Variants in NREP observed in about 807,000 individuals in gnomAD.
The protein encoded by NREP is neuronal regeneration-related protein.
A neutral mutation model predicts 8.6 loss-of-function variants in NREP; 5 were observed. The ratio of observed to expected loss-of-function variants is 0.58; its 90% CI spans 0.30 to 1.22. The LOEUF is 1.22. NREP is among the 50% of genes most tolerant of loss of function. NREP has a pLI of 0.07. For synonymous variants in NREP, 27 were observed against 28.0 expected (o/e 0.96, Z 0.11); for missense variants, 86 against 82.5 (o/e 1.04, Z -0.17).
At chr5:111,732,480 G>GTTGT (rs769976635) in intron 3 of NREP, 5 of 151,758 alleles carry the variant, frequency 3.3e-5, no homozygotes, top group Non-Finnish European at 5.9e-5. Flanking sequence ...GATTTTAGAG[G>GTTGT]TTGTTTTGGT....
At chr5:111,949,362 A>T (rs1036167834) in intron 2 of NREP, among the ~76,000 whole-genome samples, 19 of 150,112 alleles carry the variant, frequency 1.3e-4, no homozygotes, top group Non-Finnish European at 2.5e-4. Context: ...AGCCCTAGGG[A>T]TTTTTTTTTT....
intron 2 of NREP, among the ~76,000 whole-genome samples, chr5:111,921,498 T>G (rs1265818238): frequency 6.6e-6 from 1 of 152,148 alleles, no homozygotes; most frequent in Non-Finnish European, 1.5e-5. Context: ...AAACAAGGTG[T>G]AGGTCACACT....
At chr5:111,772,643 C>A (rs1192737718) in intron 2 of NREP, among the ~76,000 whole-genome samples, 1 of 151,966 alleles carries the variant, frequency 6.6e-6, no homozygotes, top group Non-Finnish European at 1.5e-5. Context: ...AGCCCCTCCC[C>A]CGAGACACCA....
intron 2 of NREP, among the ~76,000 whole-genome samples, chr5:111,850,268 T>G (rs1753276738): frequency 6.6e-6 from 1 of 152,150 alleles, no homozygotes; most frequent in Admixed American, 6.6e-5. Flanking sequence ...TTTGTCTTTT[T>G]CCCGTTGTGG....
chr5:111,750,263 C>G (rs1348660154), intron 2 of NREP, among the ~76,000 whole-genome samples: 1 of 152,164 alleles, frequency 6.6e-6, no homozygotes, highest in African/African-American at 2.4e-5. Context: ...TCTAAATCTA[C>G]CCAAATATTC....
chr5:111,896,914 G>C (rs1022240845), intron 2 of NREP, among the ~76,000 whole-genome samples: 3 of 152,134 alleles, frequency 2.0e-5, no homozygotes, highest in African/African-American at 7.2e-5. Flanking sequence ...GTCCCAGACA[G>C]CTCAGGAACC....
At chr5:111,889,430 T>C (rs1212994366) in intron 2 of NREP, among the ~76,000 whole-genome samples, 1 of 152,166 alleles carries the variant, frequency 6.6e-6, no homozygotes, top group Non-Finnish European at 1.5e-5. Context: ...ACCTCCGACA[T>C]TGGGGATTAC....
intron 1 of NREP, among the ~76,000 whole-genome samples, chr5:111,975,924 T>C (rs905239705): frequency 1.3e-5 from 2 of 152,322 alleles, no homozygotes; most frequent in Non-Finnish European, 2.9e-5. Flanking sequence ...TCTCACTATA[T>C]CCACATTTCT....
upstream of NREP, chr5:111,757,476 A>G: frequency 1.0e-6 from 1 of 985,096 alleles, no homozygotes; most frequent in Non-Finnish European, 1.2e-6. Context: ...CTAGTGAACA[A>G]TGAGCTAATT....
intron 2 of NREP, among the ~76,000 whole-genome samples, chr5:111,910,156 A>G (rs1754873298): frequency 6.6e-6 from 1 of 152,070 alleles, no homozygotes; most frequent in Admixed American, 6.6e-5. Flanking sequence ...AGCCACATTT[A>G]CCCTGATTAT....
At chr5:111,865,547 T>C (rs1049910009) in intron 2 of NREP, among the ~76,000 whole-genome samples, 14 of 152,154 alleles carry the variant, frequency 9.2e-5, no homozygotes, top group African/African-American at 3.4e-4. Flanking sequence ...CAGCAACCCA[T>C]GGCATAGGCC....
intron 2 of NREP, among the ~76,000 whole-genome samples, chr5:111,810,994 TA>T (rs979715001): frequency 1.3e-5 from 2 of 152,060 alleles, no homozygotes. Flanking sequence ...TCACTGGGAA[TA>T]AAAAAAACAA....
At chr5:111,907,413 G>A (rs1356632974) in intron 2 of NREP, among the ~76,000 whole-genome samples, 1 of 152,004 alleles carries the variant, frequency 6.6e-6, no homozygotes, top group Non-Finnish European at 1.5e-5. Context: ...ATGTCCAGTT[G>A]TTCCAGCAAC....
At chr5:111,884,509 G>A (rs1294895965) in intron 2 of NREP, among the ~76,000 whole-genome samples, 1 of 152,176 alleles carries the variant, frequency 6.6e-6, no homozygotes, top group African/African-American at 2.4e-5. Context: ...AAGCCAGGCA[G>A]AGACACAACC....
intron 2 of NREP, among the ~76,000 whole-genome samples, chr5:111,812,188 G>C (rs1480536399): frequency 6.6e-6 from 1 of 152,164 alleles, no homozygotes; most frequent in Non-Finnish European, 1.5e-5. Context: ...TTGGGAGGCT[G>C]AGGTGGGAAG....
At chr5:111,780,896 T>A (rs5004832) in intron 2 of NREP, among the ~76,000 whole-genome samples, 46,098 of 151,742 alleles carry the variant, frequency 0.3, 7,076 homozygotes, top group Middle Eastern at 0.45. Context: ...TCCCACATTT[T>A]TTTTAACGTT....
intron 2 of NREP, among the ~76,000 whole-genome samples, chr5:111,751,011 G>A (rs1186660779): frequency 6.6e-6 from 1 of 152,120 alleles, no homozygotes; most frequent in Non-Finnish European, 1.5e-5. Context: ...TTTTAAAAAA[G>A]AGGTTAAGGA....
chr5:111,843,129 T>G (rs1403542075), intron 2 of NREP, among the ~76,000 whole-genome samples: 1 of 152,124 alleles, frequency 6.6e-6, no homozygotes, highest in Non-Finnish European at 1.5e-5. Flanking sequence ...TTAAAATGAC[T>G]TTCTTCCCCT....
At chr5:111,897,773 C>T (rs1364078342) in intron 2 of NREP, among the ~76,000 whole-genome samples, 2 of 151,866 alleles carry the variant, frequency 1.3e-5, no homozygotes, top group African/African-American at 4.8e-5. Context: ...TCATTTTGTA[C>T]TAACAAAATT....
Sources: allele counts gnomAD v4.1 joint callset (sites outside exome capture counted in the v4.1 genomes callset), GRCh38; gene constraint gnomAD v4.1.1; transcripts MANE v1.5; gene names NCBI Gene and HGNC (gene_info 2026-07-23, HGNC 2026-07-21).